The following SH2B1 variants were observed in gnomAD, a reference collection of about 807,000 sequenced individuals.
The protein encoded by SH2B1 is SH2B adapter protein 1.
SH2B1 carries 15 observed loss-of-function variants against 62.6 expected under a neutral mutation model. The ratio of observed to expected loss-of-function variants is 0.24; its 90% confidence interval spans 0.16 to 0.37. SH2B1 has a LOEUF of 0.37. SH2B1 is among the 10% of genes least tolerant of loss of function. The pLI is 1.00. For synonymous variants in SH2B1, 443 were observed against 438.0 expected, an observed-to-expected ratio of 1.01 and a Z score of -0.14; for missense variants, 925 against 1,015.6, an observed-to-expected ratio of 0.91 and a Z score of 1.21.
chr16:28,866,364 C>T lies in SH2B1; in HGVS notation c.270C>T (p.Pro90=), dbSNP rs371494286. ...VARASGSLSP[P]ILAPLSPGAE... is the part of the protein sequence containing the mutation. ...GGGCCTCTGGCTCCCTGTCGCCACC[C>T]ATCCTGGCTCCCCTGAGCCCTGGTG... Residue 90 remains proline, a synonymous_variant, in exon 1 of 8, where the codon CCC becomes CCT. Transcript: ENST00000684370. This position sits in a 1 kb window ranked among gnomAD's most constrained non-coding sequence, Gnocchi z 6.3. 1.5e-5 allele frequency: 24 copies of T among 1,613,246 alleles called. No homozygotes were observed. Among genetic ancestry groups the T allele is most frequent in the Non-Finnish European group, 2.0e-5 (24 of 1,179,982 alleles).
Position 28,872,455 on chromosome 16 carries a change from G to C in SH2B1, c.1725+54G>C. Reference sequence around the variant, plus strand: ...TCTGTGCATAGTTGGCAGTGGGGTGGGGGAGCACTGCCGGGGGAGGGGGTT... The same window carrying C: ...TCTGTGCATAGTTGGCAGTGGGGTGCGGGAGCACTGCCGGGGGAGGGGGTT... On this transcript the variant is annotated intron_variant, in intron 6 of 7. Transcript: ENST00000684370. The surrounding 1 kb of genome is among the most constrained non-coding windows in gnomAD (Gnocchi z 5.3). 1 of 1,571,214 alleles carries C rather than the reference G, an allele frequency of 6.4e-7. No individual in the cohort carries two copies. Among genetic ancestry groups the C allele is most frequent in the South Asian group, 1.2e-5 (1 of 83,410 alleles).
Position 28,873,119 on chromosome 16 carries a change from C to T in SH2B1, c.1898-328C>T, listed in dbSNP as rs1963134779. On this transcript the variant is annotated intron_variant, in intron 7 of 7. Transcript: ENST00000684370. This position sits in a 1 kb window ranked among gnomAD's most constrained non-coding sequence, Gnocchi z 4.2. ...TCTCATGTCCCTGTCTGATCTCTCC[C>T]TTTCCCCTGCCCCACCGTCCCATCT... 8.3e-7 allele frequency: 1 copy of T among 1,206,984 alleles called. No individual in the cohort carries two copies. The allele number at this position is 1,206,984 out of a possible 1,614,324, so 74.8% of individuals were successfully genotyped here. A position where few individuals can be genotyped will look rare whatever the true frequency, so the allele number is the denominator to read the frequency against.
At chr16:28,859,711 A>G (rs905582097), upstream of SH2B1, among the ~76,000 whole-genome samples, 12 of 143,324 alleles carry the variant, frequency 8.4e-5, no homozygotes, top group African/African-American at 2.9e-4. Flanking sequence ...CTGTATCAGG[A>G]AAAAAAAAAA....
chr16:28,873,725 C>T lies in SH2B1; in HGVS notation c.2176C>T (p.Pro726Ser). ...GAGSGGDAGV[P>S]PMVQLQQSPL... The stretch of plus-strand genomic sequence containing the variant: ...TGGGTCTGGTGGGGACGCGGGGGTG[C>T]CCCCAATGGTGCAGCTGCAGCAGTC... The change falls in exon 8 of 8, where the codon CCC (proline) becomes TCC (serine). Residue 726 changes from proline to serine, a missense_variant. Pro to Ser is a moderately conservative substitution (Grantham distance 74). Transcript: ENST00000684370. The surrounding 1 kb of genome is among the most constrained non-coding windows in gnomAD (Gnocchi z 4.2). 2 of 1,491,760 alleles carry T rather than the reference C, an allele frequency of 1.3e-6. No homozygotes were observed. 92.4% of individuals were successfully genotyped at this position (1,491,760 alleles called of 1,614,324 possible).
chr16:28,860,693 C>T (rs1046093223), upstream of SH2B1, among the ~76,000 whole-genome samples: 2 of 152,174 alleles, frequency 1.3e-5, no homozygotes, highest in South Asian at 4.1e-4. Flanking sequence ...CCACGGATCC[C>T]TTTATATCAT....
rs1412716456 is a variant in SH2B1, at chr16:28,865,398, T to C, written c.-697T>C. 6.1e-6 allele frequency: 6 copies of C among 985,458 alleles called. No homozygotes were observed. The highest frequency in any genetic ancestry group is 4.8e-6 in the Non-Finnish European group (4 of 829,958). The allele number at this position is 985,458 out of a possible 1,614,324, so 61.0% of individuals were successfully genotyped here. ...TAATGAATCGGCCCCCTCCAAAGAGTTGGACCCTAAGATGCGTGAGGCAGG... is the reference window on the plus strand; with the variant it reads ...TAATGAATCGGCCCCCTCCAAAGAGCTGGACCCTAAGATGCGTGAGGCAGG... On this transcript the variant is annotated 5_prime_UTR_variant, in exon 1 of 8. Transcript: ENST00000684370.
chr16:28,856,815 T>C (rs1962331714), intron 1 of SH2B1, among the ~76,000 whole-genome samples: 1 of 152,124 alleles, frequency 6.6e-6, no homozygotes, highest in Non-Finnish European at 1.5e-5. Flanking sequence ...ATCAGCCCTC[T>C]TGTGGACCAC....
intron 1 of SH2B1, among the ~76,000 whole-genome samples, chr16:28,850,859 T>C (rs1279279565): frequency 9.7e-6 from 1 of 103,326 alleles, no homozygotes; most frequent in Non-Finnish European, 1.9e-5. Flanking sequence ...CGAGACTCCA[T>C]CTGAAAAAAA....
intron 1 of SH2B1, among the ~76,000 whole-genome samples, chr16:28,858,466 A>G (rs1962371046): frequency 6.6e-6 from 1 of 152,160 alleles, no homozygotes; most frequent in Non-Finnish European, 1.5e-5. Context: ...CAGTAAGCCA[A>G]GATCGCGCCA....
intron 1 of SH2B1, among the ~76,000 whole-genome samples, chr16:28,849,795 C>T (rs1014571374): frequency 3.9e-5 from 6 of 151,924 alleles, no homozygotes; most frequent in South Asian, 2.1e-4. Flanking sequence ...GCATGGTGCA[C>T]GCCTGTAGTC....
Position 28,866,936 on chromosome 16 carries a change from G to A in SH2B1, c.842G>A (p.Gly281Glu), listed in dbSNP as rs775436189. Residue 281 changes from glycine (G) to glutamate (E), a missense_variant, in exon 1 of 8, where the codon GGA becomes GAA. This residue lies in a region of SH2B1 where 683 missense variants were observed against 704.0 expected (regional missense o/e 0.97). Coordinates refer to ENST00000684370, the MANE Select transcript of SH2B1 (RefSeq NM_001387430.1). The surrounding 1 kb of genome is among the most constrained non-coding windows in gnomAD (Gnocchi z 6.3). ...GGGGTGGCTGGGCCTCCTTCAGGGG[G>A]AGGAGGGCAGCCTCAGTGGCAGAAG... is the stretch of plus-strand genomic sequence containing the variant. ...GGGVAGPPSG[G>E]GGQPQWQKCR... 3.7e-6 allele frequency: 6 copies of A among 1,610,320 alleles called. No individual in the cohort carries two copies. Among genetic ancestry groups the A allele is most frequent in the Non-Finnish European group, 4.2e-6 (5 of 1,179,920 alleles).
intron 1 of SH2B1, among the ~76,000 whole-genome samples, chr16:28,852,637 CATAT>C (rs1357693476): frequency 5.1e-5 from 2 of 39,388 alleles, no homozygotes; most frequent in African/African-American, 9.3e-5. Context: ...TATATATACA[CATAT>C]ATATTTATAT....
intron 1 of SH2B1, among the ~76,000 whole-genome samples, chr16:28,850,424 T>C (rs1012939073): frequency 6.6e-6 from 1 of 152,134 alleles, no homozygotes; most frequent in African/African-American, 2.4e-5. Flanking sequence ...ATTTGCCAGA[T>C]ATGGCAGCAC....
At chr16:28,854,001 CAAAAAAAAAAAAAA>C (rs59760541) in intron 1 of SH2B1, among the ~76,000 whole-genome samples, 1 of 45,982 alleles carries the variant, frequency 2.2e-5, no homozygotes, top group Non-Finnish European at 3.5e-5. Context: ...GACTAGGTCT[CAAAAAAAAAAAAAA>C]AAAAAAAAAA....
intron 4 of SH2B1, among the ~76,000 whole-genome samples, chr16:28,871,326 C>G (rs899032138): frequency 3.3e-5 from 5 of 152,232 alleles, no homozygotes; most frequent in African/African-American, 9.6e-5. Flanking sequence ...CCCAGGACTC[C>G]TTTTGAATGT....
At chr16:28,852,263 T>TATATATATTTAC (rs1962124057) in intron 1 of SH2B1, among the ~76,000 whole-genome samples, 2 of 78,050 alleles carry the variant, frequency 2.6e-5, no homozygotes, top group Non-Finnish European at 4.5e-5. Context: ...TATATTTACA[T>TATATATATTTAC]ATATATATTT....
At chr16:28,861,877 T>G (rs924683307), upstream of SH2B1, 1 of 152,252 alleles carries the variant, frequency 6.6e-6, no homozygotes, top group Non-Finnish European at 1.5e-5. Context: ...AGAGGCATGC[T>G]CCTTCTAGGA....
chr16:28,850,725 G>A (rs1962076487), intron 1 of SH2B1, among the ~76,000 whole-genome samples: 1 of 151,542 alleles, frequency 6.6e-6, no homozygotes, highest in African/African-American at 2.4e-5. Context: ...CAGGAGTGGT[G>A]GCACGTGCCT....
At chr16:28,859,525 C>A (rs914079627), upstream of SH2B1, among the ~76,000 whole-genome samples, 1 of 152,082 alleles carries the variant, frequency 6.6e-6, no homozygotes, top group Non-Finnish European at 1.5e-5. Flanking sequence ...TTGCTACTTA[C>A]GAGATGACAA....
Sources: gnomAD v4.1 joint callset for allele counts (sites outside exome capture counted in the v4.1 genomes callset) on GRCh38, gnomAD v4.1.1 for gene constraint, gnomAD v4.1.1 regional missense constraint, Gnocchi (gnomAD v3.1) non-coding constraint, MANE v1.5 for transcripts, NCBI Gene and HGNC (gene_info 2026-07-23, HGNC 2026-07-21) for gene names.